SLIT3: variants seen among roughly 807,000 people sequenced by gnomAD.
The protein encoded by SLIT3 is slit homolog 3 protein.
SLIT3 carries 68 observed loss-of-function variants against 184.0 expected under a neutral mutation model. That is an observed-to-expected ratio of 0.37 (90% CI 0.30 to 0.45). The LOEUF (loss-of-function observed/expected upper bound fraction) is 0.45. Among genes scored for constraint, SLIT3 ranks in the 20% least tolerant of loss-of-function variants. The probability of loss-of-function intolerance (pLI) is 1.00; values close to 1 mark genes in which losing one functional copy is unlikely to be tolerated. For synonymous variants in SLIT3, 831 were observed against 828.6 expected (o/e 1.00, Z -0.05); for missense variants, 1,707 against 2,026.0 (o/e 0.84, Z 3.02).
At chr5:168,983,958 G>A (rs995976496) in intron 4 of SLIT3, among the ~76,000 whole-genome samples, 2 of 152,274 alleles carry the variant, frequency 1.3e-5, no homozygotes. Flanking sequence ...GCTGAGGTGG[G>A]AGGACTGCTT....
intron 4 of SLIT3, among the ~76,000 whole-genome samples, chr5:168,893,367 C>A (rs997645931): frequency 1.3e-5 from 2 of 152,160 alleles, no homozygotes; most frequent in Non-Finnish European, 1.5e-5. Flanking sequence ...GTCCCCACCC[C>A]CTCTGTCCCT....
intron 9 of SLIT3, among the ~76,000 whole-genome samples, chr5:168,798,701 C>T (rs952935939): frequency 9.2e-5 from 14 of 152,016 alleles, no homozygotes; most frequent in Admixed American, 5.9e-4. Flanking sequence ...AGTTTGTGTA[C>T]CTTCAATGTA....
chr5:169,294,891 T>C lies in SLIT3; in HGVS notation c.197+5622A>G, dbSNP rs557854040. ...TGTGACACAATCATAAGTATGTGTG[T>C]TTCTCAACATACCTATACATAGAAA... is the stretch of plus-strand genomic sequence containing the variant. On this transcript the variant is annotated intron_variant, in intron 1 of 35. Transcript: ENST00000519560. Among the ~76,000 whole-genome samples the C allele has an allele frequency of 1.1e-4, 17 of 152,350 alleles. No homozygotes were observed. The South Asian group carries it at 1.9e-3, about 17-fold the overall frequency.
At chr5:168,739,537 C>T (rs969607123) in intron 20 of SLIT3, among the ~76,000 whole-genome samples, 4 of 151,694 alleles carry the variant, frequency 2.6e-5, no homozygotes, top group African/African-American at 9.7e-5. Context: ...ATTCTCCTGC[C>T]TCACCCTCCC....
chr5:168,854,100 G>A (rs1048985074), intron 5 of SLIT3, among the ~76,000 whole-genome samples: 34 of 152,210 alleles, frequency 2.2e-4, no homozygotes, highest in African/African-American at 8.0e-4. Flanking sequence ...TAGTACATGG[G>A]AGAGTCAAGT....
intron 4 of SLIT3, among the ~76,000 whole-genome samples, chr5:168,933,399 G>T (rs962608295): frequency 2.0e-5 from 3 of 152,142 alleles, no homozygotes; most frequent in Non-Finnish European, 2.9e-5. Flanking sequence ...AACATTAGTG[G>T]GGCATGGTGG....
chr5:169,007,633 A>G (rs1755984042), intron 4 of SLIT3, among the ~76,000 whole-genome samples: 2 of 152,184 alleles, frequency 1.3e-5, no homozygotes, highest in African/African-American at 4.8e-5. Context: ...TGTCTGCTTC[A>G]CTGAATATAC....
In SLIT3 at chr5:168,712,346, T is replaced by TGGAGGGTTCTGAAGC; in HGVS notation, c.2484-7_2491dup (p.Leu830_His831insArgPheArgThrLeu). 1 of 1,614,134 alleles carries TGGAGGGTTCTGAAGC rather than the reference T, an allele frequency of 6.2e-7. No homozygotes were observed. Among genetic ancestry groups the TGGAGGGTTCTGAAGC allele is most frequent in the Non-Finnish European group, 8.5e-7 (1 of 1,179,976 alleles). On this transcript the variant is annotated inframe_insertion, in exon 24 of 36. Coordinates refer to ENST00000519560, the MANE Select transcript of SLIT3 (RefSeq NM_003062.4). ...AGGAACGCTGGAAATGTCATTGCCA[T>TGGAGGGTTCTGAAGC]GGAGGGTTCTGAAGCAGAGGGCACA...
intron 21 of SLIT3, among the ~76,000 whole-genome samples, chr5:168,723,634 C>T (rs936419932): frequency 2.0e-5 from 3 of 152,080 alleles, no homozygotes; most frequent in East Asian, 1.9e-4. Context: ...TCATTTACTC[C>T]GTCTTATCAG....
intron 7 of SLIT3, among the ~76,000 whole-genome samples, chr5:168,819,457 C>A (rs774137927): frequency 6.6e-6 from 1 of 152,128 alleles, no homozygotes; most frequent in African/African-American, 2.4e-5. Flanking sequence ...TTTTGTGTGC[C>A]GGGAGAAGCA....
chr5:169,127,716 T>A (rs1054699114), intron 4 of SLIT3, among the ~76,000 whole-genome samples: 1 of 152,160 alleles, frequency 6.6e-6, no homozygotes, highest in Admixed American at 6.5e-5. Context: ...CCTGTGTGAG[T>A]GAATGAATGA....
At chr5:169,057,184 G>A (rs1304026124) in intron 4 of SLIT3, among the ~76,000 whole-genome samples, 2 of 152,192 alleles carry the variant, frequency 1.3e-5, no homozygotes, top group African/African-American at 4.8e-5. Flanking sequence ...AGTTGAGAAG[G>A]AGGGTCTAAC....
intron 4 of SLIT3, among the ~76,000 whole-genome samples, chr5:168,938,947 A>G (rs1762248817): frequency 6.6e-6 from 1 of 152,110 alleles, no homozygotes; most frequent in Non-Finnish European, 1.5e-5. Flanking sequence ...GATTATATAG[A>G]GATATACCCT....
At chr5:168,746,755 TGGCGGTGTGTG>T (rs1754458467) in intron 20 of SLIT3, among the ~76,000 whole-genome samples, 1 of 51,926 alleles carries the variant, frequency 1.9e-5, no homozygotes, top group Non-Finnish European at 3.7e-5. Context: ...GGTGTGGGTG[TGGCGGTGTGTG>T]GTGGTGTGTG....
intron 32 of SLIT3, 44 bp from the exon 33 acceptor site, chr5:168,673,375 G>A: frequency 6.3e-7 from 1 of 1,592,924 alleles, no homozygotes; most frequent in Non-Finnish European, 8.6e-7. Context: ...TTCACTAAGG[G>A]CCTTCCATGG....
intron 5 of SLIT3, among the ~76,000 whole-genome samples, chr5:168,856,070 C>T (rs1303062110): frequency 6.6e-6 from 1 of 152,148 alleles, no homozygotes; most frequent in Non-Finnish European, 1.5e-5. Flanking sequence ...GATCGTGCCA[C>T]TGCACTCCAG....
chr5:169,130,859 T>C (rs1307608547), intron 4 of SLIT3, among the ~76,000 whole-genome samples: 1 of 152,176 alleles, frequency 6.6e-6, no homozygotes, highest in Non-Finnish European at 1.5e-5. Flanking sequence ...TAATGTTGAA[T>C]GAAAAATGCA....
At chr5:169,147,235 G>A (rs554328427) in intron 4 of SLIT3, among the ~76,000 whole-genome samples, 1 of 152,284 alleles carries the variant, frequency 6.6e-6, no homozygotes, top group South Asian at 2.1e-4. Context: ...CACATAGCAG[G>A]ACTTTGACAA....
At chr5:168,833,991 C>T (rs983790752) in intron 6 of SLIT3, among the ~76,000 whole-genome samples, 1 of 152,158 alleles carries the variant, frequency 6.6e-6, no homozygotes, top group South Asian at 2.1e-4. Context: ...CCCAGATCTG[C>T]CCAGCTCTGC....
Sources: allele counts gnomAD v4.1 joint callset (sites outside exome capture counted in the v4.1 genomes callset), GRCh38; gene constraint gnomAD v4.1.1; transcripts MANE v1.5; gene names NCBI Gene and HGNC (gene_info 2026-07-23, HGNC 2026-07-21).